Variants in SFMBT1 observed in about 807,000 individuals in gnomAD.
SFMBT1 encodes Scm like with four mbt domains 1.
Under a neutral mutation model 108.7 loss-of-function variants are expected in SFMBT1, and 32 were observed. The ratio of observed to expected loss-of-function variants is 0.29; its 90% confidence interval spans 0.22 to 0.40. SFMBT1 has a LOEUF of 0.40. Ranked by LOEUF, SFMBT1 falls within the 10% of genes least tolerant of loss-of-function variation. The pLI is 1.00. For missense variants in SFMBT1, 816 were observed against 1,059.6 expected (o/e 0.77, Z 3.19); for synonymous variants, 348 against 369.5 (o/e 0.94, Z 0.67).
At position 53,041,207 on chromosome 3, in the gene SFMBT1, AAAAG is replaced by A. The variant is rs376672048; in HGVS notation, c.-131+4605_-131+4608del. On this transcript the variant is annotated intron_variant, in intron 1 of 20. Coordinates refer to ENST00000394752, the MANE Select transcript of SFMBT1 (RefSeq NM_016329.4). The stretch of plus-strand genomic sequence containing the variant: ...TAAGGTTATAAACATCCTCTTGAAT[AAAAG>A]AAAGAATAATTACATACACGTTTTC... Among the ~76,000 whole-genome samples, 308 of 152,066 alleles carry A rather than the reference AAAAG, an allele frequency of 2.0e-3. 1 individual carries two copies. The highest frequency in any genetic ancestry group is 4.8e-3 in the South Asian group (23 of 4,812).
At chr3:52,964,026 T>C (rs1383914320) in intron 2 of SFMBT1, among the ~76,000 whole-genome samples, 1 of 152,166 alleles carries the variant, frequency 6.6e-6, no homozygotes, top group East Asian at 1.9e-4. Flanking sequence ...TTTGTTTGTT[T>C]TGTTTTTTTG....
At chr3:52,929,325 C>T (rs564187540) in intron 8 of SFMBT1, among the ~76,000 whole-genome samples, 11 of 152,222 alleles carry the variant, frequency 7.2e-5, no homozygotes, top group Admixed American at 3.3e-4. Context: ...CCGTAACCTC[C>T]GCCTCCCGGG....
intron 3 of SFMBT1, among the ~76,000 whole-genome samples, chr3:52,951,089 C>A (rs1293701798): frequency 8.4e-6 from 1 of 118,678 alleles, no homozygotes; most frequent in Non-Finnish European, 1.6e-5. Flanking sequence ...GCACTCCAGT[C>A]TGGGCAACAG....
chr3:52,913,580 G>GTA lies in SFMBT1; in HGVS notation c.1516_1517dup (p.Phe507ThrfsTer24). 1 of 1,614,094 alleles carries GTA rather than the reference G, an allele frequency of 6.2e-7. No homozygotes were observed. Among genetic ancestry groups the GTA allele is most frequent in the Non-Finnish European group, 8.5e-7 (1 of 1,179,996 alleles). On this transcript the variant is annotated frameshift_variant, in exon 15 of 21. Transcript: ENST00000394752. LOFTEE classifies it high-confidence loss of function. ...GCCCTGAGAAGCAACGGTGGTTGAAGTATATCTTTGGACAGCAATATTTTC... is the reference window on the plus strand; with the variant it reads ...GCCCTGAGAAGCAACGGTGGTTGAAGTATATATCTTTGGACAGCAATATTTTC...
At chr3:52,968,342 T>C (rs1218773901) in intron 2 of SFMBT1, among the ~76,000 whole-genome samples, 1 of 152,166 alleles carries the variant, frequency 6.6e-6, no homozygotes, top group Non-Finnish European at 1.5e-5. Context: ...GTATTTTGAC[T>C]GAGGGGATGG....
At chr3:53,016,290 C>A (rs1373931963) in intron 1 of SFMBT1, among the ~76,000 whole-genome samples, 1 of 152,176 alleles carries the variant, frequency 6.6e-6, no homozygotes, top group Non-Finnish European at 1.5e-5. Flanking sequence ...CCATCATAGT[C>A]TTGATCATGG....
intron 1 of SFMBT1, among the ~76,000 whole-genome samples, chr3:53,043,611 ACCTATATTCT>A (rs1263863751): frequency 3.3e-5 from 5 of 152,202 alleles, no homozygotes; most frequent in Non-Finnish European, 7.3e-5. Flanking sequence ...AATATATAGT[ACCTATATTCT>A]AAAAATGGGA....
intron 1 of SFMBT1, among the ~76,000 whole-genome samples, chr3:53,041,005 T>C (rs1700033394): frequency 1.9e-5 from 2 of 103,540 alleles, no homozygotes; most frequent in Admixed American, 2.5e-4. Context: ...TTTTTTTTTG[T>C]AGAGACAGGG....
intron 1 of SFMBT1, among the ~76,000 whole-genome samples, chr3:52,982,922 T>C (rs1704767217): frequency 6.6e-6 from 1 of 152,034 alleles, no homozygotes; most frequent in Non-Finnish European, 1.5e-5. Context: ...GCAGAAGGGT[T>C]TGGATTACTC....
intron 4 of SFMBT1, among the ~76,000 whole-genome samples, chr3:52,939,994 T>C (rs1040631460): frequency 2.6e-5 from 4 of 152,228 alleles, no homozygotes; most frequent in Non-Finnish European, 5.9e-5. Context: ...TGTTACCTTA[T>C]TTTGAAATGT....
intron 10 of SFMBT1, among the ~76,000 whole-genome samples, chr3:52,924,312 C>A (rs150610642): frequency 1.7e-4 from 26 of 152,208 alleles, no homozygotes; most frequent in African/African-American, 5.8e-4. Flanking sequence ...GGGGAGTGGG[C>A]AATTCCCTGG....
intron 1 of SFMBT1, among the ~76,000 whole-genome samples, chr3:53,033,241 G>A (rs954629556): frequency 7.9e-5 from 12 of 151,798 alleles, no homozygotes; most frequent in Admixed American, 5.3e-4. Flanking sequence ...GCTCACTGCA[G>A]TCTCCGCCTC....
At chr3:52,945,168 A>G (rs1258099869) in intron 3 of SFMBT1, among the ~76,000 whole-genome samples, 1 of 148,186 alleles carries the variant, frequency 6.7e-6, no homozygotes, top group Non-Finnish European at 1.5e-5. Flanking sequence ...CTTCAGGGAA[A>G]AAAGCTTATT....
chr3:53,033,907 T>C (rs1234159157), intron 1 of SFMBT1, among the ~76,000 whole-genome samples: 1 of 151,532 alleles, frequency 6.6e-6, no homozygotes, highest in South Asian at 2.1e-4. Context: ...CTGTCTCTAC[T>C]AAAAATAAAA....
intron 1 of SFMBT1, among the ~76,000 whole-genome samples, chr3:53,025,773 T>G (rs963974544): frequency 6.6e-6 from 1 of 152,182 alleles, no homozygotes; most frequent in Non-Finnish European, 1.5e-5. Context: ...AGCCCAGGTG[T>G]GATGCTGGAC....
chr3:52,965,559 T>C (rs1212582266), intron 2 of SFMBT1, among the ~76,000 whole-genome samples: 2 of 151,992 alleles, frequency 1.3e-5, no homozygotes, highest in African/African-American at 2.4e-5. Context: ...CAGAAAGAAG[T>C]AGCACAATTA....
rs112153185 is a variant in SFMBT1, at chr3:52,928,285, G to A, written c.954C>T (p.His318=). The change falls in exon 9 of 21, where the codon CAC becomes CAT. Residue 318 remains histidine, a synonymous_variant. Transcript: ENST00000394752. ...CGTGGCACACAAAGGATCGCCGTGC[G>A]TGGTTCTCAGGACGCAAGTCATCCA... The part of the protein sequence containing the change: ...VEMDDLRPEN[H]ARRSFVCHAD... 5.3e-5 allele frequency: 86 copies of A among 1,613,960 alleles called. No homozygotes were observed. Among genetic ancestry groups the A allele is most frequent in the African/African-American group, 9.3e-5 (7 of 74,914 alleles).
intron 1 of SFMBT1, among the ~76,000 whole-genome samples, chr3:53,024,976 A>G (rs1429480337): frequency 1.3e-5 from 2 of 151,842 alleles, no homozygotes; most frequent in East Asian, 3.9e-4. Flanking sequence ...ATAATTGCAA[A>G]TTAACATTCT....
intron 6 of SFMBT1, among the ~76,000 whole-genome samples, chr3:52,931,614 C>T (rs932219925): frequency 3.3e-5 from 5 of 151,980 alleles, no homozygotes; most frequent in East Asian, 1.9e-4. Flanking sequence ...CTGAGGTGGG[C>T]GGATCACTTG....
Sources: allele counts gnomAD v4.1 joint callset (sites outside exome capture counted in the v4.1 genomes callset), GRCh38; gene constraint gnomAD v4.1.1; transcripts MANE v1.5; gene names NCBI Gene and HGNC (gene_info 2026-07-23, HGNC 2026-07-21).